Variants in FAM8A1 observed in about 807,000 individuals in gnomAD.
The protein encoded by FAM8A1 is family with sequence similarity 8 member A1.
In FAM8A1, 18 loss-of-function variants were observed where a neutral mutation model predicts 38.3. That is an observed-to-expected ratio of 0.47 (90% CI 0.33 to 0.70). FAM8A1 has a LOEUF of 0.70. FAM8A1 is among the 30% of genes least tolerant of loss of function. FAM8A1 has a pLI of 0.03. For missense variants in FAM8A1, 559 were observed against 559.6 expected, an observed-to-expected ratio of 1.00 and a Z score of 0.01; for synonymous variants, 246 against 234.4, an observed-to-expected ratio of 1.05 and a Z score of -0.45.
At chr6:17,607,332 CTAA>C (rs775139712) in intron 4 of FAM8A1, among the ~76,000 whole-genome samples, 32 of 150,588 alleles carry the variant, frequency 2.1e-4, no homozygotes, top group Non-Finnish European at 3.7e-4. Context: ...TCAGTAATGG[CTAA>C]TGTTTATTGA....
rs770525922 is a variant in FAM8A1, at chr6:17,605,894, A to T, written c.978A>T (p.Ala326=). 9.8e-6 allele frequency: 15 copies of T among 1,536,352 alleles called. No homozygotes were observed. Among genetic ancestry groups the T allele is most frequent in the African/African-American group, 1.4e-5 (1 of 72,950 alleles). Residue 326 remains alanine, a synonymous_variant, in exon 4 of 5, where the codon GCA becomes GCT. Transcript: ENST00000259963. The part of the protein sequence containing the change: ...CFYEIICIWG[A]GGATPGKFLL... ...CTTAGATAATTTGCATTTGGGGAGC[A>T]GGTGGAGCTACCCCAGGGAAGTTCC...
rs1969597 is a variant in FAM8A1 at position 17,600,380 on chromosome 6, G to A, written c.-30G>A. 2.2e-6 allele frequency: 3 copies of A among 1,363,086 alleles called. No homozygotes were observed. Among genetic ancestry groups the A allele is most frequent in the Non-Finnish European group, 2.8e-6 (3 of 1,056,354 alleles). 84.4% of individuals were successfully genotyped at this position (1,363,086 alleles called of 1,614,324 possible). A position where few individuals can be genotyped will look rare whatever the true frequency, so the allele number is the denominator to read the frequency against. ...GGGGGAGGGAAACGGAGCAGTGACA[G>A]GTATCCCAGAGGGTGCTGCTGAGGC... On this transcript the variant is annotated 5_prime_UTR_variant, in exon 1 of 5. Transcript: ENST00000259963.
rs1764113129 is a variant in FAM8A1 at position 17,609,858 on chromosome 6, T to C, written c.*1519T>C. ...CTATATTAATTTTCAAAGGTTTTTCTTTGACGTTTAAAACTGTGACAACAG... is the reference window on the plus strand; with the variant it reads ...CTATATTAATTTTCAAAGGTTTTTCCTTGACGTTTAAAACTGTGACAACAG... On this transcript the variant is annotated 3_prime_UTR_variant, in exon 5 of 5. Transcript: ENST00000259963. 6.6e-6 allele frequency: 1 copy of C among 152,196 alleles called. No individual in the cohort carries two copies. 9.4% of individuals were successfully genotyped at this position (152,196 alleles called of 1,614,324 possible).
chr6:17,607,139 G>C (rs940525017), intron 4 of FAM8A1, among the ~76,000 whole-genome samples: 2 of 151,490 alleles, frequency 1.3e-5, no homozygotes, highest in African/African-American at 4.9e-5. Context: ...GGGCCCTGTA[G>C]TCCCAGCTAC....
rs1419674791 is a variant in FAM8A1, at chr6:17,600,599, G to T, written c.190G>T (p.Ala64Ser). The change falls in exon 1 of 5, where the codon GCC becomes TCC. Residue 64 changes from alanine to serine, a missense_variant. Ala to Ser is a moderately conservative substitution (Grantham distance 99). Transcript: ENST00000259963. ...CCCGGGCCTCGCGGCTGCCGCCGCA[G>T]CCGACAAATTGGAGCCGCCGCGCGA... ...TAPGLAAAAAADKLEPPRELR... is the reference protein window; with the variant it reads ...TAPGLAAAAASDKLEPPRELR... 1 of 1,493,950 alleles carries T rather than the reference G, an allele frequency of 6.7e-7. No individual in the cohort carries two copies. The highest frequency in any genetic ancestry group is 8.9e-7 in the Non-Finnish European group (1 of 1,126,650). 92.5% of individuals were successfully genotyped at this position (1,493,950 alleles called of 1,614,324 possible). A position where few individuals can be genotyped will look rare whatever the true frequency, so the allele number is the denominator to read the frequency against.
Position 17,610,721 on chromosome 6 carries a change from A to C in FAM8A1, c.*2382A>C, listed in dbSNP as rs1764129835. ...TGAAGCTGTAGCCTAAAAAGCCAAAAGAAAGTTGTCTTCATTGTACAAACA... is the reference window on the plus strand; with the variant it reads ...TGAAGCTGTAGCCTAAAAAGCCAAACGAAAGTTGTCTTCATTGTACAAACA... On this transcript the variant is annotated 3_prime_UTR_variant, in exon 5 of 5. Transcript: ENST00000259963. The C allele has an allele frequency of 6.6e-6, 1 of 152,192 alleles. No homozygotes were observed. Among genetic ancestry groups the C allele is most frequent in the Non-Finnish European group, 1.5e-5 (1 of 68,022 alleles). 9.4% of individuals were successfully genotyped at this position (152,192 alleles called of 1,614,324 possible). A position where few individuals can be genotyped will look rare whatever the true frequency, so the allele number is the denominator to read the frequency against.
rs1434485023 is a variant in FAM8A1, at chr6:17,610,368, T to C, written c.*2029T>C. 6.6e-6 allele frequency: 1 copy of C among 152,174 alleles called. No individual in the cohort carries two copies. The highest frequency in any genetic ancestry group is 1.5e-5 in the Non-Finnish European group (1 of 68,010). 9.4% of individuals were successfully genotyped at this position (152,174 alleles called of 1,614,324 possible). A position where few individuals can be genotyped will look rare whatever the true frequency, so the allele number is the denominator to read the frequency against. On this transcript the variant is annotated 3_prime_UTR_variant, in exon 5 of 5. Coordinates refer to ENST00000259963, the MANE Select transcript of FAM8A1 (RefSeq NM_016255.3). ...TTGCACATTTTCTATATATGAGTTA[T>C]TCAGATTAGTATCTATGTAGGTTCA...
At position 17,602,599 on chromosome 6, in the gene FAM8A1, A is replaced by C. The variant is rs1484079067; in HGVS notation, c.722A>C (p.Tyr241Ser). 6.2e-7 allele frequency: 1 copy of C among 1,604,536 alleles called. No individual in the cohort carries two copies. Among genetic ancestry groups the C allele is most frequent in the Non-Finnish European group, 8.5e-7 (1 of 1,178,150 alleles). ...TTTTTTTAATTTACAGGCAGAGAAT[A>C]TGTTATTCCATCCTTGGCCCACAGA... ...SETGRQAGRE[Y>S]VIPSLAHRFM... is the part of the protein sequence containing the mutation. Residue 241 changes from tyrosine to serine, a missense_variant, in exon 2 of 5, where the codon TAT becomes TCT. Transcript: ENST00000259963.
At position 17,600,339 on chromosome 6, in the gene FAM8A1, T is replaced by C; in HGVS notation, c.-71T>C. 1.5e-6 allele frequency: 2 copies of C among 1,321,508 alleles called. No individual in the cohort carries two copies. The highest frequency in any genetic ancestry group is 1.9e-6 in the Non-Finnish European group (2 of 1,034,838). The allele number at this position is 1,321,508 out of a possible 1,614,324, so 81.9% of individuals were successfully genotyped here. A position where few individuals can be genotyped will look rare whatever the true frequency, so the allele number is the denominator to read the frequency against. Reference sequence around the variant, plus strand: ...GGTTGCTGCGGTGGTGACGGGGCTGTTGGGGAGGGGCCATTGGGGGAGGGA... The same window carrying C: ...GGTTGCTGCGGTGGTGACGGGGCTGCTGGGGAGGGGCCATTGGGGGAGGGA... On this transcript the variant is annotated 5_prime_UTR_variant, in exon 1 of 5. Coordinates refer to ENST00000259963, the MANE Select transcript of FAM8A1 (RefSeq NM_016255.3).
At position 17,600,896 on chromosome 6, in the gene FAM8A1, G is replaced by GCGC. The variant is rs764718897; in HGVS notation, c.495_497dup (p.Pro167dup). The GCGC allele has an allele frequency of 5.0e-6, 8 of 1,595,438 alleles. No individual in the cohort carries two copies. Among genetic ancestry groups the GCGC allele is most frequent in the Admixed American group, 3.5e-5 (2 of 57,418 alleles). Reference sequence around the variant, plus strand: ...CGGCGCTGCAGTCCCCCAGGCCGCGGCGCCGCCGCCCCCGCAGCTGGGCTA... The same window carrying GCGC: ...CGGCGCTGCAGTCCCCCAGGCCGCGGCGCCGCCGCCGCCCCCGCAGCTGGGCTA... On this transcript the variant is annotated inframe_insertion, in exon 1 of 5. Transcript: ENST00000259963.
intron 2 of FAM8A1, among the ~76,000 whole-genome samples, chr6:17,603,921 T>C (rs1308100668): frequency 6.6e-6 from 1 of 151,908 alleles, no homozygotes; most frequent in Non-Finnish European, 1.5e-5. Context: ...CTACTCCGAT[T>C]ACTGTCGTCT....
At chr6:17,602,472 A>G in intron 1 of FAM8A1, 118 bp from the exon 2 acceptor site, 1 of 989,042 alleles carries the variant, frequency 1.0e-6, no homozygotes, top group Non-Finnish European at 1.5e-6. Context: ...CACGGTTATA[A>G]ATATTTTTTA....
intron 2 of FAM8A1, among the ~76,000 whole-genome samples, chr6:17,603,786 A>G (rs1025260153): frequency 6.6e-6 from 1 of 151,698 alleles, no homozygotes; most frequent in Non-Finnish European, 1.5e-5. Flanking sequence ...GGGTCTCCCT[A>G]TGTTGCCCAG....
chr6:17,606,459 C>T (rs1764054810), intron 4 of FAM8A1, among the ~76,000 whole-genome samples: 1 of 152,180 alleles, frequency 6.6e-6, no homozygotes, highest in Non-Finnish European at 1.5e-5. Flanking sequence ...CTCCGCCTCT[C>T]AAAGTGTTGG....
chr6:17,604,877 T>G (rs1228224383), intron 2 of FAM8A1, 29 bp from the exon 3 acceptor site: 1 of 1,535,638 alleles, frequency 6.5e-7, no homozygotes, highest in African/African-American at 1.4e-5. Context: ...AACTAATTAT[T>G]TATAACCCCA....
intron 2 of FAM8A1, among the ~76,000 whole-genome samples, chr6:17,604,539 A>G (rs1764027324): frequency 6.6e-6 from 1 of 152,196 alleles, no homozygotes; most frequent in Non-Finnish European, 1.5e-5. Context: ...AAACCTTCAC[A>G]AGGTTAAGTG....
chr6:17,600,944 A>G lies in FAM8A1; in HGVS notation c.535A>G (p.Ser179Gly). 6.3e-7 allele frequency: 1 copy of G among 1,592,326 alleles called. No homozygotes were observed. Among genetic ancestry groups the G allele is most frequent in the Non-Finnish European group, 8.5e-7 (1 of 1,171,884 alleles). Residue 179 changes from serine to glycine, a missense_variant, in exon 1 of 5, where the codon AGC (serine) becomes GGC (glycine). Around this residue, in one of 2 missense-constraint regions of FAM8A1, gnomAD observed 393 missense variants for 338.9 expected, o/e 1.16. Coordinates refer to ENST00000259963, the MANE Select transcript of FAM8A1 (RefSeq NM_016255.3). Reference sequence around the variant, plus strand: ...CTATTACAACCCCTTCTACTTCCTGAGCCCCGGGGCCGCGGGGCCTGACCC... The same window carrying G: ...CTATTACAACCCCTTCTACTTCCTGGGCCCCGGGGCCGCGGGGCCTGACCC... ...LGYYNPFYFL[S>G]PGAAGPDPRT...
At chr6:17,602,922 T>C (rs969097995) in intron 2 of FAM8A1, among the ~76,000 whole-genome samples, 2 of 152,236 alleles carry the variant, frequency 1.3e-5, no homozygotes, top group African/African-American at 4.8e-5. Context: ...TTCTATAAGA[T>C]GTGTGGGAAT....
Position 17,600,505 on chromosome 6 carries a change from T to C in FAM8A1, c.96T>C (p.Pro32=). 1 of 1,534,396 alleles carries C rather than the reference T, an allele frequency of 6.5e-7. No individual in the cohort carries two copies. Among genetic ancestry groups the C allele is most frequent in the Non-Finnish European group, 8.7e-7 (1 of 1,145,108 alleles). The change falls in exon 1 of 5, where the codon CCT becomes CCC. Residue 32 remains proline, a synonymous_variant. Coordinates refer to ENST00000259963, the MANE Select transcript of FAM8A1 (RefSeq NM_016255.3). ...CCGTCCCTTCCCTGAGAGGCCCTCC[T>C]ACCACCGCCGTCCCATGCCCCCGCG... ...HEPVPSLRGP[P]TTAVPCPRDD...
Sources: allele counts gnomAD v4.1 joint callset (sites outside exome capture counted in the v4.1 genomes callset), GRCh38; gene constraint gnomAD v4.1.1; regional missense constraint gnomAD v4.1.1; transcripts MANE v1.5; gene names NCBI Gene and HGNC (gene_info 2026-07-23, HGNC 2026-07-21).